LRRC7: variants seen among roughly 807,000 people sequenced by gnomAD.
The protein encoded by LRRC7 is leucine rich repeat containing 7.
LRRC7 carries 23 observed loss-of-function variants against 175.7 expected under a neutral mutation model. The observed-to-expected ratio is 0.13, with a 90% CI of 0.09 to 0.19. The LOEUF (loss-of-function observed/expected upper bound fraction) is 0.19, where lower values mean the gene tolerates loss of function less well. Ranked by LOEUF, LRRC7 falls within the 10% of genes least tolerant of loss-of-function variation. LRRC7 has a pLI of 1.00. For synonymous variants in LRRC7, 685 were observed against 680.9 expected (o/e 1.01, Z -0.09); for missense variants, 1,354 against 1,904.7 (o/e 0.71, Z 5.38).
intron 9 of LRRC7, 39 bp downstream of exon 9, chr1:69,980,492 G>A: frequency 7.0e-7 from 1 of 1,425,872 alleles, no homozygotes; most frequent in East Asian, 2.3e-5. Context: ...TTTAATATTT[G>A]TTATACGTTT....
At chr1:70,027,308 G>A (rs1049444012) in intron 17 of LRRC7, among the ~76,000 whole-genome samples, 6 of 152,062 alleles carry the variant, frequency 3.9e-5, no homozygotes, top group South Asian at 2.1e-4. Flanking sequence ...AACAAGTACC[G>A]TGATGATGAA....
At chr1:70,052,333 G>A (rs940568333) in intron 22 of LRRC7, among the ~76,000 whole-genome samples, 7 of 151,842 alleles carry the variant, frequency 4.6e-5, no homozygotes, top group African/African-American at 1.5e-4. Context: ...CATGAAATCA[G>A]CCAAAATAAA....
At chr1:69,943,561 A>G (rs1392523988) in intron 8 of LRRC7, among the ~76,000 whole-genome samples, 2 of 152,086 alleles carry the variant, frequency 1.3e-5, no homozygotes, top group African/African-American at 4.8e-5. Flanking sequence ...ACTTAATTTT[A>G]TACTCTAAAA....
rs1297720279 is a variant in LRRC7 at position 70,137,027 on chromosome 1, A to G, written c.*15140A>G. 6.6e-6 allele frequency among the ~76,000 whole-genome samples: 1 copy of G among 151,998 alleles called. No homozygotes were observed. The highest frequency in any genetic ancestry group is 2.4e-5 in the African/African-American group (1 of 41,384). The stretch of plus-strand genomic sequence containing the variant: ...GGCATGAGCCACCATCCTCGGCTCT[A>G]TTGCTTTTATAATATGACCCAAGGA... On this transcript the variant is annotated 3_prime_UTR_variant, in exon 27 of 27. Transcript: ENST00000651989.
rs917064127 is a variant in LRRC7, at chr1:70,023,329, A to G, written c.1749A>G (p.Pro583=). ...QQERSMCTPL[P]VAAQSTTLPS... is the part of the protein sequence containing the mutation. ...AAAGGAGCATGTGTACTCCATTGCCAGTTGCAGCACAATCCACCACTCTTC... is the reference window on the plus strand; with the variant it reads ...AAAGGAGCATGTGTACTCCATTGCCGGTTGCAGCACAATCCACCACTCTTC... The change falls in exon 17 of 27, where the codon CCA becomes CCG. Residue 583 remains proline, a synonymous_variant. Transcript: ENST00000651989. The G allele has an allele frequency of 6.2e-7, 1 of 1,612,466 alleles. No homozygotes were observed. The highest frequency in any genetic ancestry group is 1.7e-5 in the Admixed American group (1 of 59,954).
At chr1:69,940,610 A>G (rs1294619971) in intron 8 of LRRC7, among the ~76,000 whole-genome samples, 1 of 152,102 alleles carries the variant, frequency 6.6e-6, no homozygotes, top group African/African-American at 2.4e-5. Flanking sequence ...TCAAGACTTT[A>G]CAAAGAATCT....
At chr1:69,938,315 T>C (rs1003163907) in intron 8 of LRRC7, among the ~76,000 whole-genome samples, 4 of 152,054 alleles carry the variant, frequency 2.6e-5, no homozygotes, top group African/African-American at 9.7e-5. Context: ...AACTGCTTTA[T>C]AGAAAAGCTT....
At chr1:69,736,177 G>T (rs1374534856) in intron 2 of LRRC7, among the ~76,000 whole-genome samples, 1 of 152,000 alleles carries the variant, frequency 6.6e-6, no homozygotes, top group Non-Finnish European at 1.5e-5. Flanking sequence ...AAATTTAGGA[G>T]ATTAAACACT....
intron 4 of LRRC7, among the ~76,000 whole-genome samples, chr1:69,793,485 A>G (rs1675366648): frequency 6.6e-6 from 1 of 152,104 alleles, no homozygotes; most frequent in Non-Finnish European, 1.5e-5. Context: ...TCATTTGACC[A>G]GAACTCTCCT....
At chr1:69,666,796 T>C (rs1287348105) in intron 1 of LRRC7, among the ~76,000 whole-genome samples, 1 of 152,098 alleles carries the variant, frequency 6.6e-6, no homozygotes, top group Non-Finnish European at 1.5e-5. Context: ...GTTTTCTTAA[T>C]TTCAAATTCA....
intron 2 of LRRC7, among the ~76,000 whole-genome samples, chr1:69,732,117 A>G (rs1667639889): frequency 6.6e-6 from 1 of 152,144 alleles, no homozygotes; most frequent in Non-Finnish European, 1.5e-5. Context: ...AAAAAGTATT[A>G]CATGTTACAA....
At chr1:70,051,667 T>C (rs1333191529) in intron 22 of LRRC7, among the ~76,000 whole-genome samples, 5 of 151,894 alleles carry the variant, frequency 3.3e-5, no homozygotes, top group Admixed American at 6.6e-5. Flanking sequence ...CTTTTTTTTT[T>C]CATACTTTTT....
At chr1:70,054,067 T>C (rs1267854384) in intron 23 of LRRC7, among the ~76,000 whole-genome samples, 1 of 152,180 alleles carries the variant, frequency 6.6e-6, no homozygotes, top group African/African-American at 2.4e-5. Context: ...CAAATTTTCC[T>C]GCAAAGCTGA....
intron 7 of LRRC7, among the ~76,000 whole-genome samples, chr1:69,883,163 A>G (rs1177287772): frequency 6.6e-5 from 10 of 151,392 alleles, no homozygotes; most frequent in South Asian, 2.1e-4. Flanking sequence ...GGTATTTCTA[A>G]TTCTAGATCC....
chr1:70,066,579 G>A (rs1661992285), intron 23 of LRRC7, among the ~76,000 whole-genome samples: 1 of 151,978 alleles, frequency 6.6e-6, no homozygotes, highest in African/African-American at 2.4e-5. Context: ...TTTTATTGCT[G>A]CATAGTATTC....
At chr1:69,660,600 C>T (rs1437181862) in intron 1 of LRRC7, among the ~76,000 whole-genome samples, 1 of 151,784 alleles carries the variant, frequency 6.6e-6, no homozygotes, top group Non-Finnish European at 1.5e-5. Flanking sequence ...AGGAAAGGCC[C>T]CTGAAAAAGT....
At chr1:70,098,597 GA>G (rs1465095805) in intron 25 of LRRC7, among the ~76,000 whole-genome samples, 1 of 151,744 alleles carries the variant, frequency 6.6e-6, no homozygotes, top group Non-Finnish European at 1.5e-5. Flanking sequence ...GAAAAAAAGA[GA>G]GAAGAATCAA....
chr1:69,658,844 A>G (rs1013428521), intron 1 of LRRC7, among the ~76,000 whole-genome samples: 8 of 152,084 alleles, frequency 5.3e-5, no homozygotes, highest in African/African-American at 1.9e-4. Context: ...AAGAGTCTAT[A>G]ACAATAACTG....
chr1:69,801,531 C>G (rs1676491421), intron 4 of LRRC7, among the ~76,000 whole-genome samples: 1 of 151,580 alleles, frequency 6.6e-6, no homozygotes, highest in Admixed American at 6.6e-5. Flanking sequence ...CTCTGATTAT[C>G]TTTTGTATTT....
Sources: allele counts gnomAD v4.1 joint callset (sites outside exome capture counted in the v4.1 genomes callset), GRCh38; gene constraint gnomAD v4.1.1; transcripts MANE v1.5; gene names NCBI Gene and HGNC (gene_info 2026-07-23, HGNC 2026-07-21).